The following RARB variants were observed in gnomAD, a reference collection of about 807,000 sequenced individuals.
RARB encodes the protein HBV-activated protein.
Under a neutral mutation model 51.9 loss-of-function variants are expected in RARB, and 17 were observed. The observed-to-expected ratio is 0.33, with a 90% confidence interval of 0.22 to 0.49. The LOEUF (loss-of-function observed/expected upper bound fraction) is 0.49, where lower values mean the gene tolerates loss of function less well. Among genes scored for constraint, RARB ranks in the 20% least tolerant of loss-of-function variants. The probability of loss-of-function intolerance (pLI) is 0.99; values close to 1 mark genes in which losing one functional copy is unlikely to be tolerated. For missense variants in RARB, 369 were observed against 550.8 expected (o/e 0.67, Z 3.30); for synonymous variants, 215 against 195.4 (o/e 1.10, Z -0.84).
At chr3:24,921,947 A>G (rs1695225003) in intron 2 of RARB, among the ~76,000 whole-genome samples, 1 of 152,192 alleles carries the variant, frequency 6.6e-6, no homozygotes, top group Non-Finnish European at 1.5e-5. Context: ...TTACCTGCCC[A>G]ACATTGTTTC....
chr3:24,859,159 C>T (rs1315458790), intron 2 of RARB, among the ~76,000 whole-genome samples: 2 of 151,594 alleles, frequency 1.3e-5, no homozygotes, highest in African/African-American at 4.8e-5. Flanking sequence ...TCCAGTTAAT[C>T]AGTTCAACTC....
rs993021905 is a variant in RARB, at chr3:25,048,243, G to A, written c.-379-11882G>A. On this transcript the variant is annotated intron_variant, in intron 2 of 11. Transcript: ENST00000383772. ...TTAGTATATATATTATCTACTTAGT[G>A]AAAAGCACTGGATTGAAAAATGGTT... Among the ~76,000 whole-genome samples, 11 of 152,148 alleles carry A rather than the reference G, an allele frequency of 7.2e-5. 1 individual carries two copies. Among genetic ancestry groups the A allele is most frequent in the Admixed American group, 7.2e-4 (11 of 15,280 alleles).
intron 2 of RARB, among the ~76,000 whole-genome samples, chr3:24,951,010 A>G (rs1438589872): frequency 6.6e-6 from 1 of 152,156 alleles, no homozygotes; most frequent in Non-Finnish European, 1.5e-5. Flanking sequence ...GGAGAATTGG[A>G]GACCTGAAGG....
At chr3:25,492,064 C>T (rs1458242438) in intron 2 of RARB, among the ~76,000 whole-genome samples, 2 of 152,228 alleles carry the variant, frequency 1.3e-5, no homozygotes, top group African/African-American at 2.4e-5. Context: ...ATGCCCTGCC[C>T]AGAACACAGC....
rs963691157 is a variant in RARB at position 24,959,673 on chromosome 3, C to T, written c.-379-100452C>T. On this transcript the variant is annotated intron_variant, in intron 2 of 11. Coordinates refer to the RARB transcript ENST00000383772. ...TCTAGAATTCCTCTGCCTCCTGGCCCTATCACATGTGGCTGAGATTAAAAC... is the reference window on the plus strand; with the variant it reads ...TCTAGAATTCCTCTGCCTCCTGGCCTTATCACATGTGGCTGAGATTAAAAC... Among the ~76,000 whole-genome samples, 16 of 152,148 alleles carry T rather than the reference C, an allele frequency of 1.1e-4. 2 individuals are homozygous for T. The highest frequency in any genetic ancestry group is 2.4e-5 in the African/African-American group (1 of 41,440).
At chr3:25,160,722 A>G (rs1421358170) in intron 4 of RARB, among the ~76,000 whole-genome samples, 1 of 152,212 alleles carries the variant, frequency 6.6e-6, no homozygotes, top group Non-Finnish European at 1.5e-5. Flanking sequence ...GGAGGTCAGA[A>G]GTCCAAAATC....
chr3:24,954,655 TAGAG>T (rs545522138), intron 2 of RARB, among the ~76,000 whole-genome samples: 12 of 151,946 alleles, frequency 7.9e-5, no homozygotes, highest in Non-Finnish European at 8.8e-5. Context: ...TGAGAGACAA[TAGAG>T]AGGGAGAGAA....
intron 4 of RARB, among the ~76,000 whole-genome samples, chr3:25,163,903 T>G (rs1039003655): frequency 6.6e-6 from 1 of 152,160 alleles, no homozygotes; most frequent in Non-Finnish European, 1.5e-5. Flanking sequence ...CTGAGTATGG[T>G]AACTTTCCTG....
At chr3:25,287,190 C>T (rs995130313) in intron 5 of RARB, among the ~76,000 whole-genome samples, 1 of 152,186 alleles carries the variant, frequency 6.6e-6, no homozygotes, top group African/African-American at 2.4e-5. Context: ...AAGTTAACAA[C>T]CTATGGTGCT....
chr3:24,932,236 G>A (rs1316541139), intron 2 of RARB, among the ~76,000 whole-genome samples: 2 of 152,012 alleles, frequency 1.3e-5, no homozygotes, highest in African/African-American at 4.8e-5. Context: ...AGAGATAAAG[G>A]GGAGGAAACA....
upstream of RARB, among the ~76,000 whole-genome samples, chr3:25,426,634 ACT>A (rs1256187935): frequency 6.6e-6 from 1 of 151,884 alleles, no homozygotes; most frequent in Non-Finnish European, 1.5e-5. Context: ...GGGCAAGGAG[ACT>A]CTCCCTCCCT....
At chr3:25,436,740 G>C (rs1044639323) in intron 1 of RARB, among the ~76,000 whole-genome samples, 7 of 152,092 alleles carry the variant, frequency 4.6e-5, no homozygotes, top group African/African-American at 1.4e-4. Context: ...TACCTCAAAG[G>C]CTTTCTAGAG....
chr3:25,186,109 A>G (rs1700968747), intron 5 of RARB, among the ~76,000 whole-genome samples: 1 of 137,848 alleles, frequency 7.3e-6, no homozygotes, highest in South Asian at 2.5e-4. Flanking sequence ...AAGTATGTAT[A>G]TAGACTTTGT....
chr3:25,348,680 T>C (rs765818276), intron 5 of RARB, among the ~76,000 whole-genome samples: 7 of 152,226 alleles, frequency 4.6e-5, no homozygotes, highest in African/African-American at 1.4e-4. Context: ...TAATGTTAAA[T>C]GTTAGTAAAT....
chr3:25,353,717 A>G (rs1390122718), intron 5 of RARB, among the ~76,000 whole-genome samples: 1 of 151,906 alleles, frequency 6.6e-6, no homozygotes, highest in Non-Finnish European at 1.5e-5. Flanking sequence ...ATACTTCTTA[A>G]CCCTAAATTT....
chr3:25,305,236 A>T (rs951713947), intron 5 of RARB, among the ~76,000 whole-genome samples: 5 of 152,110 alleles, frequency 3.3e-5, no homozygotes, highest in Non-Finnish European at 5.9e-5. Context: ...TTGCAAATGT[A>T]TCAGTGTGTG....
chr3:25,391,302 G>T (rs1417944579), intron 5 of RARB, among the ~76,000 whole-genome samples: 1 of 151,996 alleles, frequency 6.6e-6, no homozygotes, highest in Non-Finnish European at 1.5e-5. Flanking sequence ...TGTCTTATGG[G>T]CATTTGGGCT....
chr3:24,880,748 A>G (rs1303421451), intron 2 of RARB, among the ~76,000 whole-genome samples: 1 of 152,234 alleles, frequency 6.6e-6, no homozygotes, highest in Non-Finnish European at 1.5e-5. Context: ...CCATCATACC[A>G]GACACTAAAG....
intron 3 of RARB, among the ~76,000 whole-genome samples, chr3:25,558,057 G>T (rs568346765): frequency 6.6e-6 from 1 of 152,266 alleles, no homozygotes; most frequent in East Asian, 1.9e-4. Flanking sequence ...GCCTCTCTCT[G>T]CAAATGAGCA....
Sources: gnomAD v4.1 joint callset for allele counts (sites outside exome capture counted in the v4.1 genomes callset) on GRCh38, gnomAD v4.1.1 for gene constraint, MANE v1.5 for transcripts, NCBI Gene and HGNC (gene_info 2026-07-23, HGNC 2026-07-21) for gene names.